The following SSBP2 variants were observed in gnomAD, a reference collection of about 807,000 sequenced individuals.
The protein encoded by SSBP2 is single-stranded DNA-binding protein 2.
Under a neutral mutation model 61.8 loss-of-function variants are expected in SSBP2, and 17 were observed. The observed-to-expected ratio is 0.28, with a 90% CI of 0.19 to 0.41. The LOEUF is 0.41. Ranked by LOEUF, SSBP2 falls within the 10% of genes least tolerant of loss-of-function variation. The pLI, the probability that SSBP2 is intolerant of heterozygous loss-of-function variation, is 1.00. For missense variants in SSBP2, 310 were observed against 458.7 expected (o/e 0.68, Z 2.96); for synonymous variants, 139 against 141.3 (o/e 0.98, Z 0.12).
chr5:81,727,549 C>CA (rs71000857), intron 1 of SSBP2, among the ~76,000 whole-genome samples: 17,392 of 146,728 alleles, frequency 0.12, 1,158 homozygotes, highest in Middle Eastern at 0.16. Context: ...AACTCCACCT[C>CA]AAAAAAAAAA....
chr5:81,625,462 T>C (rs150291442), intron 3 of SSBP2, among the ~76,000 whole-genome samples: 1 of 152,232 alleles, frequency 6.6e-6, no homozygotes, highest in African/African-American at 2.4e-5. Flanking sequence ...AATGGGTTCA[T>C]CATCATGAAT....
At chr5:81,736,946 T>G (rs1186850574) in intron 1 of SSBP2, among the ~76,000 whole-genome samples, 1 of 152,228 alleles carries the variant, frequency 6.6e-6, no homozygotes, top group Non-Finnish European at 1.5e-5. Flanking sequence ...ACCACAGTTA[T>G]TTTCTAGTTA....
intron 5 of SSBP2, among the ~76,000 whole-genome samples, chr5:81,506,902 T>G (rs1768222078): frequency 6.6e-6 from 1 of 152,164 alleles, no homozygotes; most frequent in South Asian, 2.1e-4. Context: ...TTTTTGATTT[T>G]TTCTTTTAAA....
At chr5:81,677,535 G>T (rs1033373541) in intron 1 of SSBP2, among the ~76,000 whole-genome samples, 3 of 152,060 alleles carry the variant, frequency 2.0e-5, no homozygotes, top group African/African-American at 7.2e-5. Flanking sequence ...AAACTCCACG[G>T]GGAACCAGTT....
chr5:81,428,728 T>C lies in SSBP2; in HGVS notation c.958-45A>G, dbSNP rs372569515. 69 of 1,424,730 alleles carry C rather than the reference T, an allele frequency of 4.8e-5. 1 individual carries two copies. Among genetic ancestry groups the C allele is most frequent in the Admixed American group, 1.2e-4 (7 of 59,708 alleles). 88.3% of individuals were successfully genotyped at this position (1,424,730 alleles called of 1,614,324 possible). On this transcript the variant is annotated intron_variant, in intron 15 of 16. Coordinates refer to ENST00000320672, the MANE Select transcript of SSBP2 (RefSeq NM_012446.5). ...AACAAGGCATTGTTGAAAATTTTAA[T>C]TTCCCTCTTGCACTGTACTGTTTCG...
intron 4 of SSBP2, among the ~76,000 whole-genome samples, chr5:81,559,146 G>A (rs775011005): frequency 6.6e-6 from 1 of 152,054 alleles, no homozygotes; most frequent in Non-Finnish European, 1.5e-5. Context: ...CCAGCACTTT[G>A]AGAGGCCAAG....
chr5:81,646,628 T>TA (rs1364829169), intron 2 of SSBP2, among the ~76,000 whole-genome samples: 27 of 140,712 alleles, frequency 1.9e-4, no homozygotes, highest in Admixed American at 1.4e-4. Flanking sequence ...TTTTTTTTTT[T>TA]ACCATCCATG....
chr5:81,652,184 A>C (rs1749788434), intron 1 of SSBP2, among the ~76,000 whole-genome samples: 1 of 152,198 alleles, frequency 6.6e-6, no homozygotes, highest in Non-Finnish European at 1.5e-5. Flanking sequence ...AACAGACTTC[A>C]GAACGGTCAA....
At chr5:81,527,309 T>C (rs1770020495) in intron 4 of SSBP2, among the ~76,000 whole-genome samples, 2 of 151,740 alleles carry the variant, frequency 1.3e-5, no homozygotes, top group African/African-American at 2.4e-5. Flanking sequence ...AAGTGAAAAG[T>C]GGAGGAACTT....
chr5:81,432,741 G>A (rs1422475251), intron 15 of SSBP2, among the ~76,000 whole-genome samples: 1 of 152,036 alleles, frequency 6.6e-6, no homozygotes, highest in East Asian at 1.9e-4. Flanking sequence ...GCGAGACTCT[G>A]AGTCCGGGAG....
At chr5:81,615,236 A>G (rs1745891958) in intron 4 of SSBP2, 1 of 355,636 alleles carries the variant, frequency 2.8e-6, no homozygotes, top group Admixed American at 4.4e-5. Context: ...GCTTAAAGAT[A>G]AGAAATTTCT....
At position 81,530,506 on chromosome 5, in the gene SSBP2, G is replaced by GT. The variant is rs1262615351; in HGVS notation, c.283-16790dup. On this transcript the variant is annotated intron_variant, in intron 4 of 16. Transcript: ENST00000320672. ...TGATGATTGTTACACAACCCCATTT[G>GT]TTTTTTTTTTCTGTTTCTTCTCCCT... Among the ~76,000 whole-genome samples the GT allele has an allele frequency of 1.8e-3, 260 of 147,150 alleles. 1 individual carries two copies. Among genetic ancestry groups the GT allele is most frequent in the African/African-American group, 5.4e-3 (215 of 40,176 alleles).
chr5:81,677,938 A>C (rs559097485), intron 1 of SSBP2, among the ~76,000 whole-genome samples: 63 of 152,092 alleles, frequency 4.1e-4, no homozygotes, highest in Non-Finnish European at 8.2e-4. Flanking sequence ...CCCCAACACA[A>C]CACCACTAAG....
At chr5:81,614,651 T>C (rs1745823384) in intron 4 of SSBP2, among the ~76,000 whole-genome samples, 1 of 152,178 alleles carries the variant, frequency 6.6e-6, no homozygotes, top group Non-Finnish European at 1.5e-5. Flanking sequence ...CTATCAGTTA[T>C]TTCCTCAGGC....
At chr5:81,421,588 A>C (rs1761617182) in intron 16 of SSBP2, among the ~76,000 whole-genome samples, 1 of 152,226 alleles carries the variant, frequency 6.6e-6, no homozygotes, top group Non-Finnish European at 1.5e-5. Flanking sequence ...ACAAATGATA[A>C]AAGGTGAGGG....
intron 4 of SSBP2, among the ~76,000 whole-genome samples, chr5:81,591,478 G>C (rs1366458182): frequency 6.6e-6 from 1 of 152,040 alleles, no homozygotes; most frequent in Non-Finnish European, 1.5e-5. Context: ...CAAAGTTATT[G>C]GAACTATCAG....
At chr5:81,733,657 AAT>A (rs1756411368) in intron 1 of SSBP2, among the ~76,000 whole-genome samples, 1 of 152,168 alleles carries the variant, frequency 6.6e-6, no homozygotes, top group African/African-American at 2.4e-5. Flanking sequence ...AAAAATTATT[AAT>A]CCTATATTTT....
chr5:81,596,295 C>G (rs1265439222), intron 4 of SSBP2, among the ~76,000 whole-genome samples: 4 of 148,498 alleles, frequency 2.7e-5, no homozygotes, highest in Non-Finnish European at 6.0e-5. Flanking sequence ...TGTGAAGGAC[C>G]TCTTCAAGGA....
intron 15 of SSBP2, among the ~76,000 whole-genome samples, chr5:81,432,148 G>A (rs1762329119): frequency 6.6e-6 from 1 of 152,098 alleles, no homozygotes; most frequent in Non-Finnish European, 1.5e-5. Context: ...CTCCCTCAAA[G>A]AACAAACTGT....
Sources: gnomAD v4.1 joint callset for allele counts (sites outside exome capture counted in the v4.1 genomes callset) on GRCh38, gnomAD v4.1.1 for gene constraint, MANE v1.5 for transcripts, NCBI Gene and HGNC (gene_info 2026-07-23, HGNC 2026-07-21) for gene names.